LPA: variants seen among roughly 807,000 people sequenced by gnomAD.
LPA encodes lipoprotein(a).
Under a neutral mutation model 197.9 loss-of-function variants are expected in LPA, and 199 were observed. The observed-to-expected ratio is 1.01, with a 90% CI of 0.90 to 1.13. The LOEUF (loss-of-function observed/expected upper bound fraction) is 1.13, where lower values mean the gene tolerates loss of function less well. Among genes scored for constraint, LPA ranks in the 50% most tolerant of loss-of-function variants. The pLI is 0.00. For synonymous variants in LPA, 715 were observed against 639.5 expected (o/e 1.12, Z -1.78); for missense variants, 1,853 against 1,785.8 (o/e 1.04, Z -0.68).
chr6:160,653,998 AT>A (rs1780064356), intron 1 of LPA, among the ~76,000 whole-genome samples: 1 of 14,378 alleles, frequency 7.0e-5, no homozygotes, highest in Non-Finnish European at 1.1e-4. Context: ...AATATATATT[AT>A]ATATAATATA....
rs1252384012 is a variant in LPA, at chr6:160,605,026, G to C, written c.2945+20C>G. ...TTCCACTGACCCTTCCTTCACTTAT[G>C]GTAAAGAAAATAGACATACGCATTT... On this transcript the variant is annotated intron_variant, in intron 18 of 38. Transcript: ENST00000316300. 1 of 1,612,922 alleles carries C rather than the reference G, an allele frequency of 6.2e-7. No individual in the cohort carries two copies. Among genetic ancestry groups the C allele is most frequent in the Non-Finnish European group, 8.5e-7 (1 of 1,179,606 alleles).
chr6:160,653,994 TATTA>T (rs1210286376), intron 1 of LPA, among the ~76,000 whole-genome samples: 3 of 21,866 alleles, frequency 1.4e-4, no homozygotes, highest in African/African-American at 2.3e-4. Flanking sequence ...ATATAATATA[TATTA>T]TATATAATAT....
intron 2 of LPA, among the ~76,000 whole-genome samples, chr6:160,648,523 G>C (rs960986260): frequency 6.6e-6 from 1 of 151,930 alleles, no homozygotes; most frequent in East Asian, 1.9e-4. Context: ...ATGTCTGTGT[G>C]GCTCGGTTGA....
chr6:160,640,953 TA>T, intron 4 of LPA, 105 bp from the exon 5 acceptor site: 2 of 388,570 alleles, frequency 5.1e-6, no homozygotes, highest in Non-Finnish European at 9.2e-6. Flanking sequence ...GGTGCCTTTC[TA>T]ATATTCCCAT....
chr6:160,540,066 A>G lies in LPA; in HGVS notation c.5712T>C (p.Asp1904=). 2.5e-6 allele frequency: 4 copies of G among 1,614,122 alleles called. No homozygotes were observed. The highest frequency in any genetic ancestry group is 2.5e-6 in the Non-Finnish European group (3 of 1,180,008). The part of the protein sequence containing the change: ...SRLFLEPTQA[D]IALLKLSRPA... ...ACCTGCTTAGCTTTAGCAAGGCAAT[A>G]TCTGCTTGTGTGGGCTCCAAGAACA... The change falls in exon 36 of 39, where the codon GAT becomes GAC. Residue 1904 remains aspartate (D), a synonymous_variant. Transcript: ENST00000316300.
intron 26 of LPA, 28 bp downstream of exon 26, chr6:160,585,018 C>G: frequency 6.2e-7 from 1 of 1,612,378 alleles, no homozygotes; most frequent in Non-Finnish European, 8.5e-7. Flanking sequence ...GACTATTGTT[C>G]CTTTTATGGC....
At chr6:160,589,478 A>T in intron 24 of LPA, 75 bp downstream of exon 24, 1 of 1,556,166 alleles carries the variant, frequency 6.4e-7, no homozygotes, top group Non-Finnish European at 8.8e-7. Flanking sequence ...ATAAGAAGTT[A>T]GCTGGAAGCA....
chr6:160,661,657 C>G (rs1780229059), intron 1 of LPA, among the ~76,000 whole-genome samples: 1 of 152,172 alleles, frequency 6.6e-6, no homozygotes, highest in Non-Finnish European at 1.5e-5. Context: ...GATTATTGAA[C>G]AGGCATTGGC....
intron 16 of LPA, among the ~76,000 whole-genome samples, chr6:160,610,735 T>C (rs559713980): frequency 1.3e-5 from 2 of 152,260 alleles, no homozygotes; most frequent in African/African-American, 4.8e-5. Flanking sequence ...CTCAGCTAGA[T>C]GGCTACAGGC....
At chr6:160,589,791 C>A in intron 23 of LPA, 79 bp from the exon 24 acceptor site, 1 of 1,520,180 alleles carries the variant, frequency 6.6e-7, no homozygotes, top group Non-Finnish European at 9.1e-7. Context: ...ATGATAGAAA[C>A]AGGACATCAT....
At chr6:160,610,776 G>T (rs889398974) in intron 16 of LPA, among the ~76,000 whole-genome samples, 5 of 152,102 alleles carry the variant, frequency 3.3e-5, no homozygotes, top group African/African-American at 4.8e-5. Flanking sequence ...GCTATTCAGT[G>T]CAGGAAGGGT....
In LPA at chr6:160,593,325, T is replaced by C. The variant is rs369541891; in HGVS notation, c.3629+633A>G. ...CCTATGAAAACACTTTTCCTATGTA[T>C]TTGATAGTCCTTCATGGCAGAAACG... is the stretch of plus-strand genomic sequence containing the variant. On this transcript the variant is annotated intron_variant, in intron 22 of 38. Coordinates refer to ENST00000316300, the MANE Select transcript of LPA (RefSeq NM_005577.4). Among the ~76,000 whole-genome samples the C allele has an allele frequency of 7.2e-5, 11 of 152,320 alleles. No individual in the cohort carries two copies. The South Asian group carries it at 1.7e-3, about 23-fold the overall frequency.
At position 160,601,143 on chromosome 6, in the gene LPA, T is replaced by C. The variant is rs753857966; in HGVS notation, c.2946-45A>G. ...ACACATCACAAAAAATGGGTACATATGCAGGAACACTGTATATTTTGCTAC... is the reference window on the plus strand; with the variant it reads ...ACACATCACAAAAAATGGGTACATACGCAGGAACACTGTATATTTTGCTAC... On this transcript the variant is annotated intron_variant, in intron 18 of 38. Coordinates refer to ENST00000316300, the MANE Select transcript of LPA (RefSeq NM_005577.4). 10 of 1,565,930 alleles carry C rather than the reference T, an allele frequency of 6.4e-6. 1 individual carries two copies. Among genetic ancestry groups the C allele is most frequent in the South Asian group, 2.2e-5 (2 of 90,104 alleles).
intron 19 of LPA, among the ~76,000 whole-genome samples, 165 bp from the exon 20 acceptor site, chr6:160,599,824 A>G (rs1461562571): frequency 1.3e-5 from 2 of 152,224 alleles, no homozygotes; most frequent in Admixed American, 6.5e-5. Flanking sequence ...CAAACACGAA[A>G]GTAAGAGATG....
intron 28 of LPA, among the ~76,000 whole-genome samples, chr6:160,564,857 A>G (rs1278397103): frequency 1.3e-5 from 2 of 152,200 alleles, no homozygotes; most frequent in East Asian, 3.9e-4. Context: ...TATCCTGCAC[A>G]TGGCTCAGAG....
intron 7 of LPA, among the ~76,000 whole-genome samples, chr6:160,634,816 T>A (rs1295923605): frequency 1.3e-5 from 2 of 150,244 alleles, no homozygotes; most frequent in Non-Finnish European, 2.9e-5. Flanking sequence ...ATCACACACC[T>A]GACAGCACGT....
At chr6:160,647,487 C>G (rs1393936644) in intron 2 of LPA, among the ~76,000 whole-genome samples, 1 of 152,160 alleles carries the variant, frequency 6.6e-6, no homozygotes, top group East Asian at 1.9e-4. Flanking sequence ...GTCCCAGACC[C>G]TCCATTCCAG....
chr6:160,603,326 T>C (rs570404759), intron 18 of LPA, among the ~76,000 whole-genome samples: 1 of 152,074 alleles, frequency 6.6e-6, no homozygotes, highest in South Asian at 2.1e-4. Context: ...TTTGTGTATG[T>C]GTAGCTGGTT....
At chr6:160,646,598 CTAT>C (rs1779883804) in intron 2 of LPA, among the ~76,000 whole-genome samples, 1 of 84,926 alleles carries the variant, frequency 1.2e-5, no homozygotes, top group African/African-American at 5.0e-5. Flanking sequence ...TAGATTATTA[CTAT>C]TTTTTTTAAA....
Sources: allele counts gnomAD v4.1 joint callset (sites outside exome capture counted in the v4.1 genomes callset), GRCh38; gene constraint gnomAD v4.1.1; transcripts MANE v1.5; gene names NCBI Gene and HGNC (gene_info 2026-07-23, HGNC 2026-07-21).